The following ZNF407 variants were observed in gnomAD, a reference collection of about 807,000 sequenced individuals.
ZNF407 encodes zinc finger protein 407.
Under a neutral mutation model 131.2 loss-of-function variants are expected in ZNF407, and 17 were observed. That is an observed-to-expected ratio of 0.13 (90% CI 0.09 to 0.19). ZNF407 has a LOEUF of 0.19. Ranked by LOEUF, ZNF407 falls within the 10% of genes least tolerant of loss-of-function variation. ZNF407 has a pLI of 1.00. For synonymous variants in ZNF407, 1,156 were observed against 1,062.0 expected (o/e 1.09, Z -1.72); for missense variants, 2,681 against 2,830.6 (o/e 0.95, Z 1.20).
intron 3 of ZNF407, among the ~76,000 whole-genome samples, chr18:74,716,767 G>T (rs1423124608): frequency 6.6e-6 from 1 of 152,110 alleles, no homozygotes; most frequent in African/African-American, 2.4e-5. Flanking sequence ...AGAAAGCAAT[G>T]TATCGGTAAT....
chr18:74,658,104 C>CTTTATTTATTTATTTA (rs10641679), intron 3 of ZNF407, among the ~76,000 whole-genome samples: 26 of 151,026 alleles, frequency 1.7e-4, no homozygotes, highest in African/African-American at 6.1e-4. Flanking sequence ...CAGCAGTTGT[C>CTTTATTTATTTATTTA]TTTATTTATT....
At chr18:74,623,068 ATG>A (rs568345194) in intron 1 of ZNF407, among the ~76,000 whole-genome samples, 6 of 149,240 alleles carry the variant, frequency 4.0e-5, no homozygotes, top group African/African-American at 1.2e-4. Flanking sequence ...GAGTGAAGAT[ATG>A]TGTGTATCTG....
At chr18:74,676,437 ATTT>A (rs1178240160) in intron 3 of ZNF407, among the ~76,000 whole-genome samples, 4 of 119,674 alleles carry the variant, frequency 3.3e-5, no homozygotes, top group Admixed American at 8.9e-5. Context: ...GTGATATAGC[ATTT>A]TTTTTTTTTT....
intron 7 of ZNF407, among the ~76,000 whole-genome samples, chr18:74,906,202 T>C (rs1971592983): frequency 6.6e-6 from 1 of 152,170 alleles, no homozygotes; most frequent in African/African-American, 2.4e-5. Context: ...CTGCATCTGG[T>C]GTTTGTAAAG....
chr18:74,979,609 T>C (rs951907034), intron 8 of ZNF407, among the ~76,000 whole-genome samples: 2 of 152,188 alleles, frequency 1.3e-5, no homozygotes, highest in Non-Finnish European at 2.9e-5. Context: ...ATATTTTTAA[T>C]GTATGATGAA....
At chr18:74,642,207 T>G (rs1283709176) in intron 3 of ZNF407, among the ~76,000 whole-genome samples, 1 of 152,116 alleles carries the variant, frequency 6.6e-6, no homozygotes, top group Non-Finnish European at 1.5e-5. Context: ...TCTGTGGAAT[T>G]GATGGTTCAG....
intron 4 of ZNF407, among the ~76,000 whole-genome samples, chr18:74,865,835 A>G (rs747722291): frequency 5.9e-5 from 9 of 152,196 alleles, no homozygotes; most frequent in South Asian, 2.1e-4. Context: ...TGCTTGCTCT[A>G]TGAGGTTTTT....
chr18:74,615,609 A>G (rs1243497985), intron 1 of ZNF407, among the ~76,000 whole-genome samples: 1 of 152,374 alleles, frequency 6.6e-6, no homozygotes, highest in Admixed American at 6.5e-5. Context: ...CTGTATCCAA[A>G]TCTAAAAGGA....
intron 4 of ZNF407, among the ~76,000 whole-genome samples, chr18:74,860,307 C>A (rs559922524): frequency 6.6e-6 from 1 of 150,510 alleles, no homozygotes; most frequent in African/African-American, 2.5e-5. Context: ...TTAAAAAAAA[C>A]GAAGAAGAAG....
intron 8 of ZNF407, among the ~76,000 whole-genome samples, chr18:75,018,679 A>G (rs1210752405): frequency 1.3e-5 from 2 of 152,120 alleles, no homozygotes; most frequent in African/African-American, 4.8e-5. Flanking sequence ...AAAAATTTTA[A>G]TATAACAGCT....
Position 75,064,242 on chromosome 18 carries a change from A to T in ZNF407, c.6521A>T (p.Glu2174Val). 6.2e-7 allele frequency: 1 copy of T among 1,607,242 alleles called. No homozygotes were observed. The highest frequency in any genetic ancestry group is 8.5e-7 in the Non-Finnish European group (1 of 1,178,338). ...SEGTTHYILT[E>V]LPPGVQDEPG... is the part of the protein sequence containing the mutation. Reference sequence around the variant, plus strand: ...GGCACCACGCACTACATCCTGACAGAGCTGCCCCCAGGGGTGCAGGACGAG... The same window carrying T: ...GGCACCACGCACTACATCCTGACAGTGCTGCCCCCAGGGGTGCAGGACGAG... Residue 2174 changes from glutamate (E) to valine (V), a missense_variant, in exon 9 of 9, where the codon GAG (glutamate) becomes GTG (valine). Physicochemically the swap from Glu to Val is moderately radical, Grantham distance 121. Around this residue, in one of 6 missense-constraint regions of ZNF407, gnomAD observed 620 missense variants for 583.1 expected, o/e 1.06. Coordinates refer to ENST00000299687, the MANE Select transcript of ZNF407 (RefSeq NM_017757.3).
intron 3 of ZNF407, among the ~76,000 whole-genome samples, chr18:74,763,866 C>T (rs1464958594): frequency 4.6e-5 from 7 of 150,978 alleles, no homozygotes; most frequent in Non-Finnish European, 1.0e-4. Flanking sequence ...CCCGCTACCA[C>T]GCCCGGCTAA....
At chr18:75,014,196 G>A (rs1973016536) in intron 8 of ZNF407, among the ~76,000 whole-genome samples, 2 of 152,016 alleles carry the variant, frequency 1.3e-5, no homozygotes, top group South Asian at 4.1e-4. Context: ...GAGAAAGTAG[G>A]CAAAGTGTTT....
Position 74,806,738 on chromosome 18 carries a change from C to T in ZNF407, c.4877+25236C>T, listed in dbSNP as rs192885152. On this transcript the variant is annotated intron_variant, in intron 4 of 8. Coordinates refer to ENST00000299687, the MANE Select transcript of ZNF407 (RefSeq NM_017757.3). ...CCGAGTTACTTAACCTCTGAAACTC[C>T]GTTTATTCAACTAAAAATATAAGGA... Among the ~76,000 whole-genome samples, 108 of 152,178 alleles carry T rather than the reference C, an allele frequency of 7.1e-4. 3 individuals carry two copies. The highest frequency in any genetic ancestry group is 1.6e-4 in the Non-Finnish European group (11 of 68,000).
In ZNF407 at chr18:74,795,216, A is replaced by G. The variant is rs539771577; in HGVS notation, c.4877+13714A>G. On this transcript the variant is annotated intron_variant, in intron 4 of 8. Transcript: ENST00000299687. ...TTCCATTTATTATGAAGAAATGTGT[A>G]GGAGCTGATTTTATACTCTGGGGCC... Among the ~76,000 whole-genome samples the G allele has an allele frequency of 6.1e-4, 93 of 152,342 alleles. 1 individual carries two copies. The highest frequency in any genetic ancestry group is 6.8e-3 in the Middle Eastern group (2 of 294).
chr18:75,029,435 T>C (rs1336477140), intron 8 of ZNF407, among the ~76,000 whole-genome samples: 1 of 152,204 alleles, frequency 6.6e-6, no homozygotes, highest in African/African-American at 2.4e-5. Context: ...ATCTCTTCTC[T>C]CTCCACTAAG....
intron 6 of ZNF407, among the ~76,000 whole-genome samples, chr18:74,888,399 T>G (rs1464078860): frequency 6.6e-6 from 1 of 152,112 alleles, no homozygotes; most frequent in Non-Finnish European, 1.5e-5. Context: ...TTAACCAAAT[T>G]CAAATTATTA....
chr18:74,753,001 C>G (rs1034833469), intron 3 of ZNF407, among the ~76,000 whole-genome samples: 2 of 152,158 alleles, frequency 1.3e-5, no homozygotes, highest in Non-Finnish European at 2.9e-5. Flanking sequence ...TTCTTCCTAT[C>G]CATGAGCATG....
intron 8 of ZNF407, chr18:75,061,221 C>T (rs1973629842): frequency 6.6e-6 from 1 of 152,204 alleles, no homozygotes; most frequent in Admixed American, 6.5e-5. Flanking sequence ...AACTGACCCC[C>T]TCAAGGAGAT....
Sources: allele counts gnomAD v4.1 joint callset (sites outside exome capture counted in the v4.1 genomes callset), GRCh38; gene constraint gnomAD v4.1.1; regional missense constraint gnomAD v4.1.1; transcripts MANE v1.5; gene names NCBI Gene and HGNC (gene_info 2026-07-23, HGNC 2026-07-21).